ZNF462: variants seen among roughly 807,000 people sequenced by gnomAD.
ZNF462 encodes zinc finger protein 462.
In ZNF462, 10 loss-of-function variants were observed where a neutral mutation model predicts 201.9. The observed-to-expected ratio is 0.05, with a 90% confidence interval of 0.03 to 0.08. The LOEUF (loss-of-function observed/expected upper bound fraction) is 0.08. Among genes scored for constraint, ZNF462 ranks in the 10% least tolerant of loss-of-function variants. ZNF462 has a pLI of 1.00. For synonymous variants in ZNF462, 1,227 were observed against 1,193.3 expected (o/e 1.03, Z -0.58); for missense variants, 2,523 against 3,168.3 (o/e 0.80, Z 4.89).
At chr9:106,949,926 C>G (rs965323762) in intron 7 of ZNF462, among the ~76,000 whole-genome samples, 3 of 152,176 alleles carry the variant, frequency 2.0e-5, no homozygotes, top group African/African-American at 7.2e-5. Flanking sequence ...CATAACAGCT[C>G]CGTCTCCAGC....
chr9:106,864,050 C>CTG (rs1827185143), intron 1 of ZNF462, among the ~76,000 whole-genome samples: 1 of 48,548 alleles, frequency 2.1e-5, no homozygotes, highest in Non-Finnish European at 4.3e-5. Flanking sequence ...CTCTCTCTCT[C>CTG]TCTCTCTCTC....
Position 106,939,100 on chromosome 9 carries a change from C to T in ZNF462, c.6420C>T (p.Asp2140=), listed in dbSNP as rs190733393. Residue 2140 remains aspartate (D), a synonymous_variant, in exon 7 of 13, where the codon GAC becomes GAT. Coordinates refer to ENST00000277225, the MANE Select transcript of ZNF462 (RefSeq NM_021224.6). The stretch of plus-strand genomic sequence containing the variant: ...CTACCCCGGCTGAAGAAGTGGAAGA[C>T]TCCAATGGTAAAAATGGGCTTCCAA... ...QKATPAEEVE[D]SNDSSYSEPP... The T allele has an allele frequency of 6.1e-5, 97 of 1,595,202 alleles. No individual in the cohort carries two copies. The highest frequency in any genetic ancestry group is 7.6e-5 in the Non-Finnish European group (89 of 1,170,958).
chr9:107,006,109 G>A lies in ZNF462; in HGVS notation c.7189+2683G>A, dbSNP rs941057124. 7.9e-5 allele frequency among the ~76,000 whole-genome samples: 12 copies of A among 152,076 alleles called. No individual in the cohort carries two copies. Among genetic ancestry groups the A allele is most frequent in the South Asian group, 2.1e-4 (1 of 4,816 alleles). ...TAGTTTTGTAGTCAACTTTGAAGTC[G>A]GGTAGGGTGGTGCCTCCAACTTCGT... On this transcript the variant is annotated intron_variant, in intron 11 of 12. Coordinates refer to ENST00000277225, the MANE Select transcript of ZNF462 (RefSeq NM_021224.6). This position sits in a 1 kb window ranked among gnomAD's most constrained non-coding sequence, Gnocchi z 4.3.
intron 7 of ZNF462, among the ~76,000 whole-genome samples, chr9:106,942,749 G>A (rs769411870): frequency 1.9e-4 from 29 of 152,156 alleles, no homozygotes; most frequent in Admixed American, 7.9e-4. Flanking sequence ...CTAGGACAGC[G>A]TAGTTTAGCT....
intron 10 of ZNF462, among the ~76,000 whole-genome samples, chr9:106,985,408 T>A (rs1178941053): frequency 6.6e-6 from 1 of 152,022 alleles, no homozygotes; most frequent in African/African-American, 2.4e-5. Context: ...TGAAAAAAAA[T>A]TCTCTTCCAG....
Position 106,972,352 on chromosome 9 carries a change from T to A in ZNF462, c.6695+80T>A, listed in dbSNP as rs956928889. ...CCTCACTGCAGGCTTCCCTTACACTTTCCTACTTGGAGCTTATGGGAGGCC... is the reference window on the plus strand; with the variant it reads ...CCTCACTGCAGGCTTCCCTTACACTATCCTACTTGGAGCTTATGGGAGGCC... On this transcript the variant is annotated intron_variant, in intron 8 of 12. Coordinates refer to ENST00000277225, the MANE Select transcript of ZNF462 (RefSeq NM_021224.6). This position sits in a 1 kb window ranked among gnomAD's most constrained non-coding sequence, Gnocchi z 4.8. 2 of 1,538,306 alleles carry A rather than the reference T, an allele frequency of 1.3e-6. No homozygotes were observed. The highest frequency in any genetic ancestry group is 1.8e-6 in the Non-Finnish European group (2 of 1,142,642).
chr9:106,922,433 T>C (rs774206800), intron 1 of ZNF462, among the ~76,000 whole-genome samples: 5 of 152,214 alleles, frequency 3.3e-5, no homozygotes, highest in African/African-American at 1.2e-4. Flanking sequence ...AGTTTTGATT[T>C]ATTCCACGGT....
At chr9:106,904,119 G>A (rs1486682456) in intron 1 of ZNF462, among the ~76,000 whole-genome samples, 1 of 152,126 alleles carries the variant, frequency 6.6e-6, no homozygotes, top group Non-Finnish European at 1.5e-5. Flanking sequence ...CGTAGTGGTG[G>A]TTTGGTAATG....
At chr9:106,991,839 TACACACACACAC>T (rs200978759) in intron 10 of ZNF462, among the ~76,000 whole-genome samples, 70 of 136,350 alleles carry the variant, frequency 5.1e-4, no homozygotes, top group South Asian at 2.2e-3. Context: ...CAGCACTCTC[TACACACACACAC>T]ACACACACAC....
In ZNF462 at chr9:106,930,724, T is replaced by G. The variant is rs1830390425; in HGVS notation, c.6012+35T>G. 2.5e-6 allele frequency: 4 copies of G among 1,609,310 alleles called. No individual in the cohort carries two copies. Among genetic ancestry groups the G allele is most frequent in the African/African-American group, 2.7e-5 (2 of 74,852 alleles). On this transcript the variant is annotated intron_variant, in intron 4 of 12. Coordinates refer to ENST00000277225, the MANE Select transcript of ZNF462 (RefSeq NM_021224.6). The surrounding 1 kb of genome is among the most constrained non-coding windows in gnomAD (Gnocchi z 5.8). ...GGAAGGTCTGGATGAGCATTGTGTG[T>G]GAGCGATTCGAGTTACTTATTAACC...
intron 7 of ZNF462, among the ~76,000 whole-genome samples, chr9:106,942,530 A>G (rs1830917791): frequency 6.6e-6 from 1 of 152,228 alleles, no homozygotes; most frequent in South Asian, 2.1e-4. Flanking sequence ...GATAATGGGC[A>G]ATGACATGTA....
chr9:106,923,020 TAA>T lies in ZNF462; in HGVS notation c.-30-333_-30-332del, dbSNP rs1254989353. 6.6e-6 allele frequency among the ~76,000 whole-genome samples: 1 copy of T among 152,190 alleles called. No homozygotes were observed. The highest frequency in any genetic ancestry group is 1.5e-5 in the Non-Finnish European group (1 of 68,012). On this transcript the variant is annotated intron_variant, in intron 1 of 12. Coordinates refer to ENST00000277225, the MANE Select transcript of ZNF462 (RefSeq NM_021224.6). This position sits in a 1 kb window ranked among gnomAD's most constrained non-coding sequence, Gnocchi z 5.6. Reference sequence around the variant, plus strand: ...TCCAAGGCAGAACCAAAGCCAACATTAAGTTACCAAGAAATTTGGATTCAGTG... The same window carrying T: ...TCCAAGGCAGAACCAAAGCCAACATTGTTACCAAGAAATTTGGATTCAGTG...
intron 10 of ZNF462, among the ~76,000 whole-genome samples, chr9:107,002,808 G>T (rs1218907761): frequency 6.6e-6 from 1 of 152,188 alleles, no homozygotes; most frequent in South Asian, 2.1e-4. Context: ...CCTAAGCCGG[G>T]ACAGCCTGCA....
Position 107,009,274 on chromosome 9 carries a change from C to T in ZNF462, c.7190-271C>T, listed in dbSNP as rs1000938160. On this transcript the variant is annotated intron_variant, in intron 11 of 12. Coordinates refer to ENST00000277225, the MANE Select transcript of ZNF462 (RefSeq NM_021224.6). This position sits in a 1 kb window ranked among gnomAD's most constrained non-coding sequence, Gnocchi z 6.1. ...TTGGAATCTCGGGCAAGCGGCTCTT[C>T]AGTCAAGAAAGACCCAGATTTTGTG... 1.2e-5 allele frequency: 5 copies of T among 417,506 alleles called. No homozygotes were observed. The highest frequency in any genetic ancestry group is 9.9e-5 in the African/African-American group (5 of 50,404). The allele number at this position is 417,506 out of a possible 1,614,324, so 25.9% of individuals were successfully genotyped here.
intron 1 of ZNF462, among the ~76,000 whole-genome samples, chr9:106,879,332 A>ACCCCCCCCCCCCCCC (rs796290122): frequency 8.5e-5 from 6 of 70,630 alleles, no homozygotes; most frequent in Admixed American, 3.2e-4. Context: ...GATGCTTTCC[A>ACCCCCCCCCCCCCCC]CCCCCCCCCC....
Position 106,913,022 on chromosome 9 carries a change from G to A in ZNF462, c.-30-10332G>A, listed in dbSNP as rs763393621. The stretch of plus-strand genomic sequence containing the variant: ...AGGGAAGGCAACCAAATGGTCTCAA[G>A]TGTAGTCAGGTGATGACTCCAGGTG... On this transcript the variant is annotated intron_variant, in intron 1 of 12. Coordinates refer to ENST00000277225, the MANE Select transcript of ZNF462 (RefSeq NM_021224.6). This position sits in a 1 kb window ranked among gnomAD's most constrained non-coding sequence, Gnocchi z 4.1. 1.3e-5 allele frequency among the ~76,000 whole-genome samples: 2 copies of A among 152,202 alleles called. No individual in the cohort carries two copies. Among genetic ancestry groups the A allele is most frequent in the African/African-American group, 4.8e-5 (2 of 41,450 alleles).
intron 1 of ZNF462, among the ~76,000 whole-genome samples, chr9:106,875,946 A>G (rs753517564): frequency 3.3e-5 from 5 of 152,208 alleles, no homozygotes; most frequent in Admixed American, 1.3e-4. Context: ...ATGTATCTCT[A>G]TACATAGAGA....
intron 1 of ZNF462, among the ~76,000 whole-genome samples, chr9:106,874,608 T>G (rs1827746253): frequency 6.6e-6 from 1 of 152,152 alleles, no homozygotes. Context: ...CAAAGACAGA[T>G]TCTATGATAA....
At chr9:106,955,396 A>G (rs754336958) in intron 7 of ZNF462, among the ~76,000 whole-genome samples, 7 of 152,188 alleles carry the variant, frequency 4.6e-5, no homozygotes, top group Non-Finnish European at 1.0e-4. Context: ...AAAATGATTT[A>G]TTGCTAAAAA....
Sources: allele counts gnomAD v4.1 joint callset (sites outside exome capture counted in the v4.1 genomes callset), GRCh38; gene constraint gnomAD v4.1.1; non-coding constraint Gnocchi (gnomAD v3.1); transcripts MANE v1.5; gene names NCBI Gene and HGNC (gene_info 2026-07-23, HGNC 2026-07-21).